The following VAV3 variants were observed in gnomAD, a reference collection of about 807,000 sequenced individuals.
VAV3 encodes the protein vav guanine nucleotide exchange factor 3.
Under a neutral mutation model 131.2 loss-of-function variants are expected in VAV3, and 94 were observed. The ratio of observed to expected loss-of-function variants is 0.72; its 90% confidence interval spans 0.61 to 0.85. The LOEUF is 0.85. Among genes scored for constraint, VAV3 ranks in the 40% least tolerant of loss-of-function variants. VAV3 has a pLI of 0.00. For missense variants in VAV3, 939 were observed against 1,002.7 expected (o/e 0.94, Z 0.86); for synonymous variants, 349 against 342.0 (o/e 1.02, Z -0.22).
intron 6 of VAV3, among the ~76,000 whole-genome samples, chr1:107,770,163 C>T (rs1163155619): frequency 1.3e-5 from 2 of 152,090 alleles, no homozygotes; most frequent in African/African-American, 4.8e-5. Flanking sequence ...GAGGGGCTCT[C>T]TCGGGAATGA....
intron 22 of VAV3, 132 bp from the exon 23 acceptor site, chr1:107,603,295 T>C (rs1171702045): frequency 6.1e-6 from 4 of 658,698 alleles, no homozygotes; most frequent in Admixed American, 5.3e-5. Flanking sequence ...AATTACATTG[T>C]TTAAGAAAAA....
At chr1:107,962,424 A>G (rs1458326614) in intron 1 of VAV3, among the ~76,000 whole-genome samples, 2 of 152,346 alleles carry the variant, frequency 1.3e-5, no homozygotes, top group East Asian at 3.9e-4. Flanking sequence ...TTAATATAAC[A>G]ATAGCAGAAA....
intron 2 of VAV3, among the ~76,000 whole-genome samples, chr1:107,871,848 A>G (rs1016062379): frequency 1.3e-5 from 2 of 152,154 alleles, no homozygotes; most frequent in African/African-American, 4.8e-5. Context: ...AAAAGGGGTA[A>G]GAGAGTATAG....
chr1:107,872,814 A>G (rs1670313109), intron 2 of VAV3, among the ~76,000 whole-genome samples: 1 of 152,222 alleles, frequency 6.6e-6, no homozygotes, highest in South Asian at 2.1e-4. Context: ...AGAAAAATGT[A>G]GTACCTAACC....
At chr1:107,705,767 C>A (rs990356972) in intron 15 of VAV3, among the ~76,000 whole-genome samples, 1 of 152,118 alleles carries the variant, frequency 6.6e-6, no homozygotes, top group Admixed American at 6.6e-5. Context: ...TCACATCAAT[C>A]CTAACTGCCT....
chr1:107,847,030 C>T (rs539511203), intron 2 of VAV3, among the ~76,000 whole-genome samples: 1 of 152,214 alleles, frequency 6.6e-6, no homozygotes, highest in Non-Finnish European at 1.5e-5. Context: ...AAGTAAAACA[C>T]TCCTCAGCAA....
rs116367739 is a variant in VAV3, at chr1:107,825,546, A to G, written c.322-46054T>C. On this transcript the variant is annotated intron_variant, in intron 2 of 26. Transcript: ENST00000370056. ...GGCTCATGATAGAGAAAAATCTACT[A>G]CTTTCTCATTCCCATATGAAGTAAT... is the stretch of plus-strand genomic sequence containing the variant. 3.2e-3 allele frequency among the ~76,000 whole-genome samples: 493 copies of G among 152,214 alleles called. 1 individual carries two copies. The highest frequency in any genetic ancestry group is 0.011 in the African/African-American group (460 of 41,528).
At chr1:107,856,901 G>C (rs918986640) in intron 2 of VAV3, among the ~76,000 whole-genome samples, 1 of 152,118 alleles carries the variant, frequency 6.6e-6, no homozygotes, top group Non-Finnish European at 1.5e-5. Context: ...GCTGGGTGTG[G>C]TGTTGTGTGT....
At chr1:107,832,739 C>A (rs991935574) in intron 2 of VAV3, among the ~76,000 whole-genome samples, 3 of 152,096 alleles carry the variant, frequency 2.0e-5, no homozygotes, top group African/African-American at 7.2e-5. Flanking sequence ...CTTCAATATT[C>A]ATATTTAAGC....
At chr1:107,761,196 T>C (rs1160866022) in intron 9 of VAV3, among the ~76,000 whole-genome samples, 3 of 152,076 alleles carry the variant, frequency 2.0e-5, no homozygotes, top group Non-Finnish European at 4.4e-5. Flanking sequence ...AAGACCATCC[T>C]GGCTAACATG....
intron 19 of VAV3, among the ~76,000 whole-genome samples, chr1:107,644,746 T>C (rs1367844674): frequency 6.6e-6 from 1 of 151,938 alleles, no homozygotes; most frequent in African/African-American, 2.4e-5. Flanking sequence ...CCCAAATATA[T>C]ATTAGGGATT....
intron 15 of VAV3, among the ~76,000 whole-genome samples, chr1:107,732,458 C>G (rs1222002204): frequency 6.6e-6 from 1 of 152,152 alleles, no homozygotes; most frequent in East Asian, 1.9e-4. Flanking sequence ...CCTTTCCTAG[C>G]CAAGGGAAGC....
At chr1:107,751,045 A>G (rs1026336536) in intron 13 of VAV3, 72 bp downstream of exon 13, 1 of 1,440,604 alleles carries the variant, frequency 6.9e-7, no homozygotes, top group Non-Finnish European at 9.5e-7. Context: ...CACTGGAAAA[A>G]TTGTCTTTAA....
chr1:107,824,879 T>C (rs1667946165), intron 2 of VAV3, among the ~76,000 whole-genome samples: 1 of 151,860 alleles, frequency 6.6e-6, no homozygotes, highest in African/African-American at 2.4e-5. Context: ...CCAAAAGAAA[T>C]AGAAGAACAG....
intron 2 of VAV3, among the ~76,000 whole-genome samples, chr1:107,872,324 T>C (rs1171880147): frequency 6.6e-6 from 1 of 152,210 alleles, no homozygotes; most frequent in Non-Finnish European, 1.5e-5. Flanking sequence ...TAGGTGCTGC[T>C]ATCATAATTA....
intron 2 of VAV3, among the ~76,000 whole-genome samples, chr1:107,854,548 A>T (rs2100966377): frequency 6.6e-6 from 1 of 152,292 alleles, no homozygotes; most frequent in South Asian, 2.1e-4. Context: ...CCATGTGTTC[A>T]TCTACCATTT....
chr1:107,923,142 G>A (rs1447031919), intron 1 of VAV3, among the ~76,000 whole-genome samples: 2 of 151,856 alleles, frequency 1.3e-5, no homozygotes, highest in East Asian at 1.9e-4. Context: ...CTACCAATCT[G>A]CTCTGTGTCA....
At chr1:107,854,339 G>A (rs1238256461) in intron 2 of VAV3, among the ~76,000 whole-genome samples, 1 of 151,950 alleles carries the variant, frequency 6.6e-6, no homozygotes, top group Non-Finnish European at 1.5e-5. Context: ...AATTATGCTA[G>A]GTTAACAGAC....
chr1:107,599,600 A>T (rs1462117410), intron 24 of VAV3, among the ~76,000 whole-genome samples: 1 of 152,130 alleles, frequency 6.6e-6, no homozygotes, highest in Non-Finnish European at 1.5e-5. Flanking sequence ...ACAGAAATTC[A>T]TTTAGGATTT....
Sources: gnomAD v4.1 joint callset for allele counts (sites outside exome capture counted in the v4.1 genomes callset) on GRCh38, gnomAD v4.1.1 for gene constraint, MANE v1.5 for transcripts, NCBI Gene and HGNC (gene_info 2026-07-23, HGNC 2026-07-21) for gene names.